ITIH5: variants seen among roughly 807,000 people sequenced by gnomAD.
ITIH5 encodes the protein inter-alpha-trypsin inhibitor heavy chain 5.
In ITIH5, 65 loss-of-function variants were observed where a neutral mutation model predicts 77.5. The ratio of observed to expected loss-of-function variants is 0.84; its 90% CI spans 0.69 to 1.03. The LOEUF (loss-of-function observed/expected upper bound fraction) is 1.03. Among genes scored for constraint, ITIH5 ranks in the 50% least tolerant of loss-of-function variants. The pLI is 0.00. For synonymous variants in ITIH5, 525 were observed against 494.3 expected (o/e 1.06, Z -0.82); for missense variants, 1,208 against 1,213.1 (o/e 1.00, Z 0.06).
At chr10:7,616,221 C>T in intron 6 of ITIH5, 123 bp from the exon 7 acceptor site, 1 of 637,460 alleles carries the variant, frequency 1.6e-6, no homozygotes, top group South Asian at 1.9e-5. Context: ...GGTGAGATTC[C>T]ACACCCGGAG....
chr10:7,629,250 C>G, intron 5 of ITIH5, among the ~76,000 whole-genome samples: 1 of 125,498 alleles, frequency 8.0e-6, no homozygotes. Flanking sequence ...AGCGTGTGTC[C>G]ATGTTGTAGC....
intron 5 of ITIH5, among the ~76,000 whole-genome samples, chr10:7,634,037 C>A (rs1481917520): frequency 7.5e-6 from 1 of 133,268 alleles, no homozygotes; most frequent in Non-Finnish European, 1.5e-5. Context: ...TGCAGTGAGC[C>A]GAGATCGCGC....
intron 4 of ITIH5, 28 bp from the exon 5 acceptor site, chr10:7,637,506 G>A: frequency 1.2e-6 from 2 of 1,608,294 alleles, no homozygotes; most frequent in South Asian, 1.1e-5. Flanking sequence ...AAGGACCCCA[G>A]GGAGGTTCGG....
chr10:7,590,861 A>G (rs1832779628), intron 7 of ITIH5, among the ~76,000 whole-genome samples: 1 of 152,140 alleles, frequency 6.6e-6, no homozygotes, highest in Non-Finnish European at 1.5e-5. Context: ...AAAGCCTTCC[A>G]TGGCCCCTCG....
At chr10:7,571,304 C>G (rs1024993619) in intron 11 of ITIH5, 4 of 152,146 alleles carry the variant, frequency 2.6e-5, no homozygotes, top group Non-Finnish European at 5.9e-5. Context: ...AGTTCCAGGA[C>G]CCCCGCGGAT....
At chr10:7,625,784 A>G (rs1794133919) in intron 5 of ITIH5, among the ~76,000 whole-genome samples, 1 of 151,018 alleles carries the variant, frequency 6.6e-6, no homozygotes, top group Non-Finnish European at 1.5e-5. Context: ...AAAGAAAGAA[A>G]GAAAGAAAGA....
intron 7 of ITIH5, among the ~76,000 whole-genome samples, chr10:7,601,938 T>C (rs1833023705): frequency 6.6e-6 from 1 of 152,070 alleles, no homozygotes; most frequent in African/African-American, 2.4e-5. Context: ...CTGCAACCTC[T>C]ACCTCCCACG....
intron 5 of ITIH5, chr10:7,619,616 C>G (rs373142511): frequency 2.5e-6 from 1 of 393,528 alleles, no homozygotes; most frequent in Non-Finnish European, 5.2e-6. Flanking sequence ...GGGAAACTTA[C>G]AATCACGCAG....
At chr10:7,577,998 G>A (rs182569815) in intron 9 of ITIH5, among the ~76,000 whole-genome samples, 7 of 152,326 alleles carry the variant, frequency 4.6e-5, no homozygotes, top group Admixed American at 3.3e-4. Flanking sequence ...GGGTAGCAGT[G>A]AGATGTGCAA....
Position 7,576,808 on chromosome 10 carries a change from C to T in ITIH5, c.1623G>A (p.Leu541=), listed in dbSNP as rs755702856. ...TASNSKKFII[L]KTDVPVRPQK... ...GAGGCCGCACAGGCACATCTGTCTT[C>T]AGGATGATGAATTTCTTACTGTTGC... is the stretch of plus-strand genomic sequence containing the variant. Residue 541 remains leucine (L), a synonymous_variant, in exon 10 of 14, where the codon CTG becomes CTA. Transcript: ENST00000397146. 6.2e-7 allele frequency: 1 copy of T among 1,614,188 alleles called. No homozygotes were observed. Among genetic ancestry groups the T allele is most frequent in the Non-Finnish European group, 8.5e-7 (1 of 1,180,034 alleles).
At chr10:7,586,910 A>T (rs542178480) in intron 7 of ITIH5, among the ~76,000 whole-genome samples, 1 of 152,092 alleles carries the variant, frequency 6.6e-6, no homozygotes, top group African/African-American at 2.4e-5. Flanking sequence ...AGCTCACTGC[A>T]ACCTCTGCCT....
At chr10:7,648,277 C>T (rs1372320194) in intron 2 of ITIH5, among the ~76,000 whole-genome samples, 1 of 151,178 alleles carries the variant, frequency 6.6e-6, no homozygotes, top group Non-Finnish European at 1.5e-5. Context: ...GACACCCTGG[C>T]TAATTCAAGC....
In ITIH5 at chr10:7,563,163, C is replaced by T. The variant is rs755560452; in HGVS notation, c.2749G>A (p.Gly917Arg). ...ARNNAAKLID[G>R]EYKDYLASHP... ...GATGCCAGGTAATCCTTGTACTCCC[C>T]GTCAATCAGTTTGGCGGCATTGTTC... is the stretch of plus-strand genomic sequence containing the variant. Residue 917 changes from glycine (G) to arginine (R), a missense_variant, in exon 14 of 14, where the codon GGG (glycine) becomes AGG (arginine). Coordinates refer to ENST00000397146, the MANE Select transcript of ITIH5 (RefSeq NM_030569.7). 85 of 1,613,996 alleles carry T rather than the reference C, an allele frequency of 5.3e-5. No individual in the cohort carries two copies. The highest frequency in any genetic ancestry group is 6.7e-5 in the Non-Finnish European group (79 of 1,179,946).
chr10:7,645,307 T>C (rs1022116915), intron 2 of ITIH5, among the ~76,000 whole-genome samples: 12 of 152,118 alleles, frequency 7.9e-5, no homozygotes, highest in African/African-American at 2.7e-4. Context: ...AAAAGAAACC[T>C]TCCAGTTTAG....
intron 7 of ITIH5, among the ~76,000 whole-genome samples, chr10:7,610,372 C>A (rs1036903700): frequency 6.6e-6 from 1 of 152,126 alleles, no homozygotes; most frequent in African/African-American, 2.4e-5. Flanking sequence ...GCCAATATAC[C>A]CCTTACCGAG....
At chr10:7,603,375 T>C (rs928572518) in intron 7 of ITIH5, among the ~76,000 whole-genome samples, 2 of 152,188 alleles carry the variant, frequency 1.3e-5, no homozygotes, top group Non-Finnish European at 2.9e-5. Context: ...CGACTAGTAG[T>C]AGTCAAGGGC....
At chr10:7,592,589 C>T (rs1832814333) in intron 7 of ITIH5, among the ~76,000 whole-genome samples, 5 of 152,078 alleles carry the variant, frequency 3.3e-5, no homozygotes, top group Admixed American at 3.3e-4. Context: ...GAGACACAGC[C>T]CAGCCCTTGA....
chr10:7,647,980 A>G (rs933586901), intron 2 of ITIH5, among the ~76,000 whole-genome samples: 27 of 152,074 alleles, frequency 1.8e-4, no homozygotes, highest in Non-Finnish European at 3.4e-4. Flanking sequence ...ACAGTGGCTC[A>G]TGCCTGTAAT....
At chr10:7,648,396 GT>G (rs1834040339) in intron 2 of ITIH5, among the ~76,000 whole-genome samples, 2 of 152,318 alleles carry the variant, frequency 1.3e-5, no homozygotes, top group East Asian at 3.9e-4. Flanking sequence ...GTGAACCTCA[GT>G]TATCATCCAT....
Sources: allele counts gnomAD v4.1 joint callset (sites outside exome capture counted in the v4.1 genomes callset), GRCh38; gene constraint gnomAD v4.1.1; transcripts MANE v1.5; gene names NCBI Gene and HGNC (gene_info 2026-07-23, HGNC 2026-07-21).